Variants in UNC5D observed in about 807,000 individuals in gnomAD.
UNC5D encodes netrin receptor UNC5D.
A neutral mutation model predicts 105.4 loss-of-function variants in UNC5D; 39 were observed. The ratio of observed to expected loss-of-function variants is 0.37; its 90% CI spans 0.29 to 0.48. The LOEUF is 0.48. Ranked by LOEUF, UNC5D falls within the 20% of genes least tolerant of loss-of-function variation. The pLI is 0.98. For synonymous variants in UNC5D, 452 were observed against 450.4 expected, an observed-to-expected ratio of 1.00 and a Z score of -0.04; for missense variants, 991 against 1,202.4, an observed-to-expected ratio of 0.82 and a Z score of 2.60.
Position 35,644,723 on chromosome 8 carries a change from A to G in UNC5D, c.571-38824A>G, listed in dbSNP as rs147957464. Among the ~76,000 whole-genome samples, 315 of 152,260 alleles carry G rather than the reference A, an allele frequency of 2.1e-3. 2 individuals are homozygous for G. The highest frequency in any genetic ancestry group is 6.7e-3 in the African/African-American group (280 of 41,562). ...TTGGATTATATTTTAAAAATGTATA[A>G]CATTTTCTCCTTTCATGTGAAAGTT... is the stretch of plus-strand genomic sequence containing the variant. On this transcript the variant is annotated intron_variant, in intron 4 of 16. Coordinates refer to ENST00000404895, the MANE Select transcript of UNC5D (RefSeq NM_080872.4).
rs1424036111 is a variant in UNC5D at position 35,439,279 on chromosome 8, T to C, written c.104-110013T>C. Among the ~76,000 whole-genome samples, 4 of 151,970 alleles carry C rather than the reference T, an allele frequency of 2.6e-5. No individual in the cohort carries two copies. The South Asian group carries it at 6.2e-4, about 24-fold the overall frequency. On this transcript the variant is annotated intron_variant, in intron 1 of 16. Coordinates refer to ENST00000404895, the MANE Select transcript of UNC5D (RefSeq NM_080872.4). The stretch of plus-strand genomic sequence containing the variant: ...CAGTGTGTGCCACTGTTAGGAAAAA[T>C]AACATGAGAGTAACTTCTTCTTAAT...
chr8:35,709,769 G>C (rs1027855240), intron 8 of UNC5D, among the ~76,000 whole-genome samples: 1 of 152,092 alleles, frequency 6.6e-6, no homozygotes, highest in Non-Finnish European at 1.5e-5. Context: ...AAACATTCTG[G>C]GTAGCTTGGG....
At chr8:35,410,492 C>T (rs1168450156) in intron 1 of UNC5D, among the ~76,000 whole-genome samples, 2 of 151,984 alleles carry the variant, frequency 1.3e-5, no homozygotes, top group African/African-American at 2.4e-5. Flanking sequence ...CTCCTCCTTT[C>T]TCATTTAAGT....
rs150068910 is a variant in UNC5D at position 35,647,948 on chromosome 8, G to A, written c.571-35599G>A. On this transcript the variant is annotated intron_variant, in intron 4 of 16. Transcript: ENST00000404895. ...TTTGCTGTTCTCATTCCCATGAACTGTAGTCAAGGGATCTAGAGTTTCAGC... is the reference window on the plus strand; with the variant it reads ...TTTGCTGTTCTCATTCCCATGAACTATAGTCAAGGGATCTAGAGTTTCAGC... Among the ~76,000 whole-genome samples the A allele has an allele frequency of 3.1e-3, 473 of 152,278 alleles. 3 individuals are homozygous for A. The highest frequency in any genetic ancestry group is 0.01 in the African/African-American group (429 of 41,574).
intron 1 of UNC5D, among the ~76,000 whole-genome samples, chr8:35,269,369 C>T (rs1805112623): frequency 6.6e-6 from 1 of 152,140 alleles, no homozygotes; most frequent in African/African-American, 2.4e-5. Flanking sequence ...CTTATATTAG[C>T]CTTTCTAGTC....
intron 4 of UNC5D, among the ~76,000 whole-genome samples, chr8:35,631,313 C>CAA (rs34641053): frequency 4.3e-3 from 622 of 145,618 alleles, no homozygotes; most frequent in Middle Eastern, 7.3e-3. Context: ...GACCCTGTCT[C>CAA]AAAAAAAAAA....
At chr8:35,287,576 T>C (rs1008018533) in intron 1 of UNC5D, among the ~76,000 whole-genome samples, 50 of 151,844 alleles carry the variant, frequency 3.3e-4, no homozygotes, top group Admixed American at 3.3e-3. Context: ...GGCTAATCAT[T>C]TGAGTCCAGG....
chr8:35,681,217 G>T (rs1274149269), intron 4 of UNC5D, among the ~76,000 whole-genome samples: 1 of 152,072 alleles, frequency 6.6e-6, no homozygotes, highest in East Asian at 1.9e-4. Context: ...ATTTCTTGTT[G>T]CTCATAACAA....
chr8:35,342,683 G>T (rs1179378654), intron 1 of UNC5D, among the ~76,000 whole-genome samples: 1 of 152,086 alleles, frequency 6.6e-6, no homozygotes, highest in African/African-American at 2.4e-5. Context: ...AAAACCCAGA[G>T]TCTTGGGCAC....
intron 1 of UNC5D, among the ~76,000 whole-genome samples, chr8:35,497,042 G>A (rs1173939498): frequency 3.3e-5 from 5 of 152,090 alleles, no homozygotes; most frequent in Non-Finnish European, 7.3e-5. Context: ...CCTTTTATAT[G>A]ACCCAGAAGC....
intron 4 of UNC5D, among the ~76,000 whole-genome samples, chr8:35,667,901 T>C (rs556035130): frequency 1.3e-5 from 2 of 152,340 alleles, no homozygotes; most frequent in African/African-American, 4.8e-5. Flanking sequence ...TAAACAAAGT[T>C]GTGATTAAAG....
At chr8:35,340,015 A>G (rs1300806333) in intron 1 of UNC5D, among the ~76,000 whole-genome samples, 2 of 152,170 alleles carry the variant, frequency 1.3e-5, no homozygotes, top group Non-Finnish European at 1.5e-5. Context: ...GCTAGTTTTA[A>G]AAACTACATG....
At chr8:35,672,267 A>G (rs1586388583) in intron 4 of UNC5D, among the ~76,000 whole-genome samples, 1 of 152,202 alleles carries the variant, frequency 6.6e-6, no homozygotes, top group Admixed American at 6.5e-5. Flanking sequence ...AACATAATTA[A>G]TATTCTCACA....
intron 15 of UNC5D, among the ~76,000 whole-genome samples, chr8:35,768,011 T>TAC (rs1468386890): frequency 6.7e-6 from 1 of 150,224 alleles, no homozygotes; most frequent in Non-Finnish European, 1.5e-5. Flanking sequence ...AATATATATA[T>TAC]ACATATATGC....
intron 1 of UNC5D, among the ~76,000 whole-genome samples, chr8:35,265,440 A>C (rs1448954924): frequency 6.6e-6 from 1 of 152,220 alleles, no homozygotes; most frequent in Admixed American, 6.5e-5. Flanking sequence ...AGCTATAGAC[A>C]ATCCATTAAT....
chr8:35,340,445 G>A (rs903772660), intron 1 of UNC5D, among the ~76,000 whole-genome samples: 1 of 152,126 alleles, frequency 6.6e-6, no homozygotes, highest in Admixed American at 6.5e-5. Flanking sequence ...GCCTTACTTG[G>A]AATATGGTCA....
At chr8:35,441,137 A>G (rs1429653637) in intron 1 of UNC5D, among the ~76,000 whole-genome samples, 1 of 151,842 alleles carries the variant, frequency 6.6e-6, no homozygotes, top group African/African-American at 2.4e-5. Context: ...CTGGATCCAG[A>G]GATTATAGTT....
In UNC5D at chr8:35,708,503, T is replaced by A. The variant is rs528062617; in HGVS notation, c.1117+2542T>A. ...AAATGTGCTTTCAATAAATGTTGTG[T>A]AACAATGTCAGGAGGTGCGGTAAAA... On this transcript the variant is annotated intron_variant, in intron 8 of 16. Coordinates refer to ENST00000404895, the MANE Select transcript of UNC5D (RefSeq NM_080872.4). 4.7e-4 allele frequency among the ~76,000 whole-genome samples: 72 copies of A among 152,330 alleles called. 1 individual carries two copies. Among genetic ancestry groups the A allele is most frequent in the African/African-American group, 1.7e-3 (70 of 41,582 alleles).
At chr8:35,236,591 C>A (rs1316971566) in intron 1 of UNC5D, among the ~76,000 whole-genome samples, 1 of 152,222 alleles carries the variant, frequency 6.6e-6, no homozygotes, top group African/African-American at 2.4e-5. Flanking sequence ...CCCCACCGAG[C>A]CGCAGGGAAA....
Sources: allele counts gnomAD v4.1 joint callset (sites outside exome capture counted in the v4.1 genomes callset), GRCh38; gene constraint gnomAD v4.1.1; transcripts MANE v1.5; gene names NCBI Gene and HGNC (gene_info 2026-07-23, HGNC 2026-07-21).